VRK2: variants seen among roughly 807,000 people sequenced by gnomAD.
VRK2 encodes the protein VRK serine/threonine kinase 2, also known as serine/threonine-protein kinase VRK2.
A neutral mutation model predicts 57.6 loss-of-function variants in VRK2; 60 were observed. The observed-to-expected ratio is 1.04, with a 90% CI of 0.85 to 1.29. VRK2 has a LOEUF of 1.29. VRK2 is among the 50% of genes most tolerant of loss of function. VRK2 has a pLI of 0.00. For missense variants in VRK2, 705 were observed against 588.1 expected (o/e 1.20, Z -2.06); for synonymous variants, 231 against 199.2 (o/e 1.16, Z -1.35).
chr2:58,149,419 A>G (rs1275424314), intron 12 of VRK2, among the ~76,000 whole-genome samples: 7 of 151,666 alleles, frequency 4.6e-5, no homozygotes, highest in Non-Finnish European at 1.0e-4. Flanking sequence ...ATTAGTTCCA[A>G]TAGGTTTTAT....
At chr2:58,099,547 C>T (rs888129115) in intron 7 of VRK2, among the ~76,000 whole-genome samples, 3 of 152,084 alleles carry the variant, frequency 2.0e-5, no homozygotes, top group African/African-American at 4.8e-5. Flanking sequence ...GATGCAATAT[C>T]TGTCATCTCA....
intron 1 of VRK2, among the ~76,000 whole-genome samples, chr2:57,931,129 A>G (rs1415111595): frequency 1.3e-5 from 2 of 152,156 alleles, no homozygotes; most frequent in East Asian, 1.9e-4. Flanking sequence ...TCTTTTCAGG[A>G]TAGTGATTTT....
At chr2:58,048,725 C>T (rs905610489) in intron 1 of VRK2, 102 bp from the exon 2 acceptor site, 3 of 1,505,374 alleles carry the variant, frequency 2.0e-6, no homozygotes, top group Non-Finnish European at 2.7e-6. Context: ...TTCTGGGAAC[C>T]TGGGAAAGTT....
chr2:58,102,757 G>C (rs946876443), intron 7 of VRK2, among the ~76,000 whole-genome samples: 1 of 151,362 alleles, frequency 6.6e-6, no homozygotes, highest in African/African-American at 2.4e-5. Flanking sequence ...GGATGAAACA[G>C]ATATTCCAAG....
intron 2 of VRK2, among the ~76,000 whole-genome samples, chr2:58,065,133 C>T (rs1668440902): frequency 6.6e-6 from 1 of 151,958 alleles, no homozygotes; most frequent in Non-Finnish European, 1.5e-5. Context: ...TGATTATGTA[C>T]TTGTATCTTT....
At chr2:58,025,628 A>G (rs1673901226) in intron 1 of VRK2, 1 of 152,238 alleles carries the variant, frequency 6.6e-6, no homozygotes, top group Non-Finnish European at 1.5e-5. Flanking sequence ...TAGTTCTGAC[A>G]GAGAACCAAG....
chr2:57,958,427 G>GTA (rs1553367227), intron 1 of VRK2, among the ~76,000 whole-genome samples: 38 of 149,930 alleles, frequency 2.5e-4, no homozygotes, highest in African/African-American at 7.6e-4. Flanking sequence ...GTGTGTGTGT[G>GTA]TATATACATG....
intron 1 of VRK2, among the ~76,000 whole-genome samples, chr2:57,961,756 T>C (rs540720798): frequency 1.3e-5 from 2 of 152,184 alleles, no homozygotes; most frequent in South Asian, 2.1e-4. Context: ...CAGTTGTACA[T>C]AGAGAGCACT....
At chr2:58,074,462 A>C (rs1306971584) in intron 2 of VRK2, among the ~76,000 whole-genome samples, 1 of 151,944 alleles carries the variant, frequency 6.6e-6, no homozygotes, top group African/African-American at 2.4e-5. Flanking sequence ...CTTCTTTAGA[A>C]ATTTTTAGTG....
intron 2 of VRK2, among the ~76,000 whole-genome samples, chr2:58,082,051 T>TTGTTCATATGAAGCACCCG (rs1670958681): frequency 9.2e-5 from 14 of 151,890 alleles, no homozygotes; most frequent in Admixed American, 9.2e-4. Flanking sequence ...TCTAAGAGCT[T>TTGTTCATATGAAGCACCCG]TCTAGTCTAT....
intron 2 of VRK2, among the ~76,000 whole-genome samples, chr2:58,061,468 C>T (rs1352601045): frequency 6.6e-6 from 1 of 151,848 alleles, no homozygotes; most frequent in Non-Finnish European, 1.5e-5. Context: ...AGTCTGTAAG[C>T]CTCAATTAAA....
intron 7 of VRK2, among the ~76,000 whole-genome samples, chr2:58,122,583 G>A (rs1324411226): frequency 6.6e-6 from 1 of 152,208 alleles, no homozygotes; most frequent in East Asian, 1.9e-4. Flanking sequence ...GGAAGGAGGG[G>A]TTGGTCTTGC....
intron 1 of VRK2, among the ~76,000 whole-genome samples, chr2:57,969,121 G>A (rs1672013558): frequency 6.6e-6 from 1 of 151,942 alleles, no homozygotes; most frequent in East Asian, 1.9e-4. Context: ...CTAAATAATT[G>A]TGATAAATGG....
intron 1 of VRK2, among the ~76,000 whole-genome samples, chr2:58,016,344 A>C (rs1188118290): frequency 2.0e-5 from 3 of 151,156 alleles, no homozygotes; most frequent in African/African-American, 7.4e-5. Context: ...TGTATGTTTT[A>C]ATTTAATTAA....
intron 12 of VRK2, among the ~76,000 whole-genome samples, chr2:58,149,945 T>G (rs1226914098): frequency 2.0e-5 from 3 of 151,384 alleles, no homozygotes; most frequent in African/African-American, 4.8e-5. Context: ...ATGGAAGGTT[T>G]TTATACCTAG....
intron 1 of VRK2, among the ~76,000 whole-genome samples, chr2:58,011,371 CT>C (rs1269234557): frequency 1.3e-5 from 2 of 152,208 alleles, no homozygotes; most frequent in Non-Finnish European, 2.9e-5. Flanking sequence ...TCCACCACTT[CT>C]TTTCAGTTCT....
chr2:57,918,527 A>G (rs955800332), intron 1 of VRK2, among the ~76,000 whole-genome samples: 3 of 152,016 alleles, frequency 2.0e-5, no homozygotes, highest in African/African-American at 7.2e-5. Context: ...AGAGTCTATC[A>G]CCCTTATATT....
chr2:58,052,481 G>A (rs553819806), intron 2 of VRK2, among the ~76,000 whole-genome samples: 23 of 151,920 alleles, frequency 1.5e-4, no homozygotes, highest in African/African-American at 5.6e-4. Flanking sequence ...ATGTGTGTGT[G>A]TAGTCCCAGT....
chr2:58,088,247 A>C, intron 5 of VRK2, 94 bp from the exon 6 acceptor site: 1 of 831,422 alleles, frequency 1.2e-6, no homozygotes, highest in East Asian at 2.4e-5. Context: ...CTTAGTTGTT[A>C]GGTTGAGCGT....
Sources: gnomAD v4.1 joint callset for allele counts (sites outside exome capture counted in the v4.1 genomes callset) on GRCh38, gnomAD v4.1.1 for gene constraint, MANE v1.5 for transcripts, NCBI Gene and HGNC (gene_info 2026-07-23, HGNC 2026-07-21) for gene names.